TTC7B: variants seen among roughly 807,000 people sequenced by gnomAD.
TTC7B encodes tetratricopeptide repeat protein 7B.
Under a neutral mutation model 106.8 loss-of-function variants are expected in TTC7B, and 28 were observed. The observed-to-expected ratio is 0.26, with a 90% CI of 0.19 to 0.36. TTC7B has a LOEUF of 0.36. TTC7B is among the 10% of genes least tolerant of loss of function. The probability of loss-of-function intolerance (pLI) is 1.00; values close to 1 mark genes in which losing one functional copy is unlikely to be tolerated. For missense variants in TTC7B, 862 were observed against 1,076.4 expected (o/e 0.80, Z 2.79); for synonymous variants, 405 against 430.6 (o/e 0.94, Z 0.74).
intron 1 of TTC7B, among the ~76,000 whole-genome samples, chr14:90,796,502 T>G (rs1319031836): frequency 6.6e-6 from 1 of 152,164 alleles, no homozygotes; most frequent in Non-Finnish European, 1.5e-5. Flanking sequence ...TTGGCCTCCT[T>G]GATCCCCCCC....
chr14:90,741,508 G>C (rs1302218782), intron 4 of TTC7B, among the ~76,000 whole-genome samples: 1 of 152,144 alleles, frequency 6.6e-6, no homozygotes, highest in Non-Finnish European at 1.5e-5. Flanking sequence ...GGAGCAAACA[G>C]GAACAGCGTG....
intron 15 of TTC7B, among the ~76,000 whole-genome samples, chr14:90,638,041 C>A (rs1885017821): frequency 6.6e-6 from 1 of 151,088 alleles, no homozygotes; most frequent in African/African-American, 2.4e-5. Flanking sequence ...GCCATCACAT[C>A]TGGCTACCCT....
chr14:90,647,848 G>A (rs1269460026), intron 13 of TTC7B, among the ~76,000 whole-genome samples: 1 of 152,084 alleles, frequency 6.6e-6, no homozygotes, highest in Non-Finnish European at 1.5e-5. Flanking sequence ...TCTTTAAAAG[G>A]CACCATGGAG....
chr14:90,654,290 A>G lies in TTC7B; in HGVS notation c.1459+703T>C, dbSNP rs545054301. Among the ~76,000 whole-genome samples the G allele has an allele frequency of 6.6e-5, 10 of 152,310 alleles. No homozygotes were observed. In the East Asian group the frequency reaches 1.7e-3, roughly 26 times the overall value. Reference sequence around the variant, plus strand: ...ATACTAATTAAAATTCATTAAATTAACCATGTGTTTCTGGGATTTTTGTTT... The same window carrying G: ...ATACTAATTAAAATTCATTAAATTAGCCATGTGTTTCTGGGATTTTTGTTT... On this transcript the variant is annotated intron_variant, in intron 12 of 19. Coordinates refer to ENST00000328459, the MANE Select transcript of TTC7B (RefSeq NM_001010854.2).
chr14:90,628,721 C>T (rs888970615), intron 15 of TTC7B, among the ~76,000 whole-genome samples: 10 of 152,252 alleles, frequency 6.6e-5, no homozygotes, highest in Non-Finnish European at 1.5e-4. Context: ...TCCAGGGCCA[C>T]ATGGGACCGC....
intron 17 of TTC7B, chr14:90,601,932 G>C (rs1040684061): frequency 7.3e-5 from 25 of 341,234 alleles, no homozygotes; most frequent in Non-Finnish European, 1.4e-4. Context: ...GCTGGCCCTT[G>C]ATGGTGAGAG....
Position 90,808,497 on chromosome 14 carries a change from C to G in TTC7B, c.121+7678G>C, listed in dbSNP as rs1329349626. ...CTAAAAGGACCAGACCAGATCTGCT[C>G]TACATGGTTCTGGTGCTGCCACCAC... On this transcript the variant is annotated intron_variant, in intron 1 of 19. Coordinates refer to ENST00000328459, the MANE Select transcript of TTC7B (RefSeq NM_001010854.2). The surrounding 1 kb of genome is among the most constrained non-coding windows in gnomAD (Gnocchi z 4.2). Among the ~76,000 whole-genome samples the G allele has an allele frequency of 6.6e-6, 1 of 152,182 alleles. No individual in the cohort carries two copies. The highest frequency in any genetic ancestry group is 1.5e-5 in the Non-Finnish European group (1 of 68,018).
intron 7 of TTC7B, among the ~76,000 whole-genome samples, chr14:90,681,946 C>T (rs927761114): frequency 1.3e-5 from 2 of 152,140 alleles, no homozygotes. Context: ...TTCCTGATAT[C>T]CTGGCTTGTG....
In TTC7B at chr14:90,745,313, AAAG is replaced by A. The variant is rs1555395559; in HGVS notation, c.446-394_446-392del. 1.4e-3 allele frequency among the ~76,000 whole-genome samples: 190 copies of A among 136,032 alleles called. 1 individual carries two copies. Among genetic ancestry groups the A allele is most frequent in the East Asian group, 7.9e-3 (39 of 4,966 alleles). The allele number at this position is 136,032 out of a possible 152,430, so 89.2% of individuals were successfully genotyped here. A position where few individuals can be genotyped will look rare whatever the true frequency, so the allele number is the denominator to read the frequency against. On this transcript the variant is annotated intron_variant, in intron 3 of 19. Transcript: ENST00000328459. ...CCTGTCTCCCAAAAAAAAAAAAAAAAAAGAAGAAGAAGAAGAAGAAGTGGTGAG... is the reference window on the plus strand; with the variant it reads ...CCTGTCTCCCAAAAAAAAAAAAAAAAAAGAAGAAGAAGAAGAAGTGGTGAG...
intron 5 of TTC7B, among the ~76,000 whole-genome samples, chr14:90,727,792 G>A (rs1225568261): frequency 6.6e-6 from 1 of 152,204 alleles, no homozygotes; most frequent in African/African-American, 2.4e-5. Flanking sequence ...CTGAAAATCA[G>A]TCAATCCTGT....
chr14:90,630,798 G>T (rs946200519), intron 15 of TTC7B, among the ~76,000 whole-genome samples: 7 of 150,044 alleles, frequency 4.7e-5, no homozygotes, highest in Non-Finnish European at 1.0e-4. Flanking sequence ...TTTCATCTAT[G>T]TTGGTACATC....
chr14:90,792,180 G>C (rs1055096483), intron 1 of TTC7B, among the ~76,000 whole-genome samples: 1 of 152,138 alleles, frequency 6.6e-6, no homozygotes, highest in African/African-American at 2.4e-5. Context: ...TGCTACCCAA[G>C]TGCTATGCGG....
intron 6 of TTC7B, among the ~76,000 whole-genome samples, chr14:90,694,953 TATAAATATATGTATA>T (rs1887649773): frequency 2.2e-5 from 3 of 135,232 alleles, no homozygotes; most frequent in Admixed American, 7.9e-5. Context: ...ATATATTTAT[TATAAATATATGTATA>T]ATATATGTCA....
chr14:90,720,117 A>C (rs1888833391), intron 5 of TTC7B, among the ~76,000 whole-genome samples: 1 of 151,896 alleles, frequency 6.6e-6, no homozygotes, highest in Non-Finnish European at 1.5e-5. Flanking sequence ...GGCCCAGGGA[A>C]GCCAAAAGAC....
chr14:90,681,737 A>G (rs1208822349), intron 7 of TTC7B, among the ~76,000 whole-genome samples: 5 of 152,216 alleles, frequency 3.3e-5, no homozygotes, highest in African/African-American at 9.7e-5. Flanking sequence ...GGGGATGTGC[A>G]GTGACTTGCT....
chr14:90,798,254 T>C (rs1286336), intron 1 of TTC7B, among the ~76,000 whole-genome samples: 23,130 of 152,132 alleles, frequency 0.15, 1,945 homozygotes, highest in East Asian at 0.23. Flanking sequence ...GTCACCGGGC[T>C]GACCCATAGC....
intron 1 of TTC7B, among the ~76,000 whole-genome samples, chr14:90,800,970 G>A (rs2030228148): frequency 6.6e-6 from 1 of 152,146 alleles, no homozygotes; most frequent in East Asian, 1.9e-4. Flanking sequence ...AGGATTGCTT[G>A]TGCCCAGGAG....
intron 17 of TTC7B, chr14:90,603,114 G>A: frequency 2.1e-6 from 1 of 474,186 alleles, no homozygotes; most frequent in Non-Finnish European, 3.6e-6. Context: ...AGGTGGCAGA[G>A]TGGGCAGGCA....
chr14:90,545,478 C>T (rs1035740455), intron 19 of TTC7B, among the ~76,000 whole-genome samples: 2 of 152,238 alleles, frequency 1.3e-5, no homozygotes, highest in African/African-American at 4.8e-5. Flanking sequence ...TGCTCATGGA[C>T]TGGAGGGCTC....
Sources: gnomAD v4.1 joint callset for allele counts (sites outside exome capture counted in the v4.1 genomes callset) on GRCh38, gnomAD v4.1.1 for gene constraint, Gnocchi (gnomAD v3.1) non-coding constraint, MANE v1.5 for transcripts, NCBI Gene and HGNC (gene_info 2026-07-23, HGNC 2026-07-21) for gene names.